PTPRM: variants seen among roughly 807,000 people sequenced by gnomAD.
The protein encoded by PTPRM is protein tyrosine phosphatase receptor type M.
PTPRM carries 47 observed loss-of-function variants against 186.7 expected under a neutral mutation model. The ratio of observed to expected loss-of-function variants is 0.25; its 90% CI spans 0.20 to 0.32. The LOEUF is 0.32. Ranked by LOEUF, PTPRM falls within the 10% of genes least tolerant of loss-of-function variation. The probability of loss-of-function intolerance (pLI) is 1.00; values close to 1 mark genes in which losing one functional copy is unlikely to be tolerated. For missense variants in PTPRM, 1,494 were observed against 1,865.0 expected, an observed-to-expected ratio of 0.80 and a Z score of 3.66; for synonymous variants, 668 against 674.9, an observed-to-expected ratio of 0.99 and a Z score of 0.16.
intron 19 of PTPRM, among the ~76,000 whole-genome samples, chr18:8,269,004 A>G (rs2094736974): frequency 2.0e-5 from 3 of 152,048 alleles, no homozygotes; most frequent in African/African-American, 7.2e-5. Context: ...TCTTCTAACA[A>G]GACAAAGGTG....
chr18:7,962,921 G>T (rs1047450012), intron 7 of PTPRM, among the ~76,000 whole-genome samples: 12 of 152,224 alleles, frequency 7.9e-5, no homozygotes, highest in African/African-American at 2.4e-4. Flanking sequence ...TCTAACAATG[G>T]CTGTTATTCG....
intron 7 of PTPRM, among the ~76,000 whole-genome samples, chr18:7,962,368 G>T (rs1024550791): frequency 6.6e-6 from 1 of 152,122 alleles, no homozygotes; most frequent in African/African-American, 2.4e-5. Context: ...TGGGAATTTT[G>T]TACTAAATAC....
intron 19 of PTPRM, among the ~76,000 whole-genome samples, chr18:8,294,032 C>G (rs1203271901): frequency 1.3e-5 from 2 of 152,132 alleles, no homozygotes; most frequent in Admixed American, 6.5e-5. Flanking sequence ...AGGTGAATCA[C>G]TTGAGGTAAG....
Position 7,625,929 on chromosome 18 carries a change from T to C in PTPRM, c.73+58038T>C, listed in dbSNP as rs373225777. On this transcript the variant is annotated intron_variant, in intron 1 of 32. Transcript: ENST00000580170. ...AGTTACTAGTGGTCAGTGTGTGACA[T>C]TGGGGCCCATGAGCCTGGGTTTGAA... Among the ~76,000 whole-genome samples the C allele has an allele frequency of 3.5e-4, 54 of 152,332 alleles. 1 individual carries two copies. The highest frequency in any genetic ancestry group is 1.1e-3 in the African/African-American group (46 of 41,588).
At chr18:8,099,159 T>TC (rs879773463) in intron 11 of PTPRM, among the ~76,000 whole-genome samples, 2,949 of 149,390 alleles carry the variant, frequency 0.02, 29 homozygotes, top group South Asian at 0.034. Flanking sequence ...CTCTCTCTCT[T>TC]TCTCTCTCTC....
At chr18:7,833,854 T>C (rs886160975) in intron 2 of PTPRM, among the ~76,000 whole-genome samples, 1 of 152,236 alleles carries the variant, frequency 6.6e-6, no homozygotes, top group Admixed American at 6.5e-5. Flanking sequence ...TGAGTTCTAA[T>C]AGGTTTTGGA....
intron 1 of PTPRM, among the ~76,000 whole-genome samples, chr18:7,671,081 A>ACC (rs2039208336): frequency 1.3e-5 from 2 of 152,236 alleles, no homozygotes; most frequent in Admixed American, 6.5e-5. Flanking sequence ...TTTATCGTTG[A>ACC]ATGAGTCCCT....
chr18:8,250,195 C>A (rs992099522), intron 17 of PTPRM, among the ~76,000 whole-genome samples: 1 of 152,006 alleles, frequency 6.6e-6, no homozygotes, highest in Non-Finnish European at 1.5e-5. Flanking sequence ...TGGAGTATAT[C>A]TTTACTTCAT....
chr18:8,380,424 C>G lies in PTPRM; in HGVS notation c.3915C>G (p.Ala1305=). 6.2e-7 allele frequency: 1 copy of G among 1,614,084 alleles called. No individual in the cohort carries two copies. The highest frequency in any genetic ancestry group is 1.1e-5 in the South Asian group (1 of 91,062). Residue 1305 remains alanine, a synonymous_variant, in exon 29 of 33, where the codon GCC becomes GCG. Coordinates refer to ENST00000580170, the MANE Select transcript of PTPRM (RefSeq NM_001105244.2). ...TTATGCTAAATGATGTGGATCCTGC[C>G]CAGGTGAGACCCGGACTTCTTACAG... ...SVVMLNDVDP[A]QLCPQYWPEN...
intron 2 of PTPRM, 146 bp from the exon 3 acceptor site, chr18:7,887,960 A>C: frequency 2.2e-6 from 2 of 917,984 alleles, no homozygotes. Context: ...GTGGTGATAT[A>C]TGAAATAGGA....
Position 8,237,998 on chromosome 18 carries a change from A to G in PTPRM, c.2301-6060A>G, listed in dbSNP as rs543262387. Reference sequence around the variant, plus strand: ...CTTTATCTTTGTCTGCAATTTGAATATGATATTACTAGGTGTAGATTTTTT... The same window carrying G: ...CTTTATCTTTGTCTGCAATTTGAATGTGATATTACTAGGTGTAGATTTTTT... On this transcript the variant is annotated intron_variant, in intron 14 of 32. Transcript: ENST00000580170. Among the ~76,000 whole-genome samples, 22 of 152,158 alleles carry G rather than the reference A, an allele frequency of 1.4e-4. No homozygotes were observed. In the South Asian group the frequency reaches 4.2e-3, roughly 29 times the overall value.
chr18:8,383,490 A>G (rs2080831373), intron 29 of PTPRM, among the ~76,000 whole-genome samples: 1 of 151,982 alleles, frequency 6.6e-6, no homozygotes. Context: ...AAGGGTAGGA[A>G]TTTTGTGGGG....
At chr18:7,928,212 C>T (rs1185468036) in intron 5 of PTPRM, among the ~76,000 whole-genome samples, 4 of 152,158 alleles carry the variant, frequency 2.6e-5, no homozygotes. Context: ...TCTGTTTTTT[C>T]ATACCCTACT....
intron 1 of PTPRM, among the ~76,000 whole-genome samples, chr18:7,701,225 A>C (rs1036625237): frequency 4.7e-5 from 7 of 149,766 alleles, no homozygotes; most frequent in African/African-American, 1.7e-4. Context: ...AATTGCTTGA[A>C]TTCAGAAGGT....
At chr18:8,286,871 T>G (rs1237431425) in intron 19 of PTPRM, among the ~76,000 whole-genome samples, 1 of 152,166 alleles carries the variant, frequency 6.6e-6, no homozygotes, top group Non-Finnish European at 1.5e-5. Flanking sequence ...ATTGTGCTGA[T>G]GGGTTTTATA....
intron 14 of PTPRM, among the ~76,000 whole-genome samples, chr18:8,242,192 A>G (rs1023361718): frequency 3.3e-5 from 5 of 152,196 alleles, no homozygotes; most frequent in African/African-American, 9.6e-5. Context: ...ACAAAAAAGA[A>G]TATTGAGGCA....
At chr18:7,855,053 C>T (rs912089544) in intron 2 of PTPRM, among the ~76,000 whole-genome samples, 1 of 152,136 alleles carries the variant, frequency 6.6e-6, no homozygotes, top group Admixed American at 6.5e-5. Flanking sequence ...ATTTACCGCT[C>T]TATTTACTAT....
intron 14 of PTPRM, among the ~76,000 whole-genome samples, chr18:8,189,359 A>G (rs922345239): frequency 6.6e-5 from 10 of 151,484 alleles, no homozygotes; most frequent in Non-Finnish European, 1.2e-4. Context: ...TGGAGAGATC[A>G]GCTCACGGGG....
intron 1 of PTPRM, among the ~76,000 whole-genome samples, chr18:7,773,756 T>G (rs920852097): frequency 9.2e-5 from 14 of 152,090 alleles, no homozygotes; most frequent in African/African-American, 3.4e-4. Context: ...AATTTTTGTA[T>G]TTTTGTAGAG....
Sources: allele counts gnomAD v4.1 joint callset (sites outside exome capture counted in the v4.1 genomes callset), GRCh38; gene constraint gnomAD v4.1.1; transcripts MANE v1.5; gene names NCBI Gene and HGNC (gene_info 2026-07-23, HGNC 2026-07-21).